The following MMP16 variants were observed in gnomAD, a reference collection of about 807,000 sequenced individuals.
MMP16 encodes the protein matrix metallopeptidase 16, also known as matrix metalloproteinase-16.
MMP16 carries 12 observed loss-of-function variants against 67.8 expected under a neutral mutation model. That is an observed-to-expected ratio of 0.18 (90% confidence interval 0.11 to 0.29). The LOEUF (loss-of-function observed/expected upper bound fraction) is 0.29, where lower values mean the gene tolerates loss of function less well. Among genes scored for constraint, MMP16 ranks in the 10% least tolerant of loss-of-function variants. The pLI, the probability that MMP16 is intolerant of heterozygous loss-of-function variation, is 1.00. For synonymous variants in MMP16, 249 were observed against 255.9 expected (o/e 0.97, Z 0.26); for missense variants, 475 against 765.7 (o/e 0.62, Z 4.48).
At chr8:88,097,392 G>C (rs1490512186) in intron 6 of MMP16, among the ~76,000 whole-genome samples, 3 of 151,736 alleles carry the variant, frequency 2.0e-5, no homozygotes, top group African/African-American at 7.3e-5. Context: ...TTGGGAGGCT[G>C]AGGTGATCAG....
intron 6 of MMP16, among the ~76,000 whole-genome samples, chr8:88,097,584 C>T (rs763246908): frequency 2.1e-5 from 3 of 141,968 alleles, no homozygotes; most frequent in Non-Finnish European, 4.5e-5. Context: ...CATGATCACA[C>T]CACTGCACTC....
intron 1 of MMP16, among the ~76,000 whole-genome samples, chr8:88,240,239 G>A: frequency 6.6e-6 from 1 of 152,190 alleles, no homozygotes; most frequent in East Asian, 1.9e-4. Context: ...GTGTGTCAAT[G>A]GGCTCGGCCA....
intron 1 of MMP16, among the ~76,000 whole-genome samples, chr8:88,314,236 T>C (rs1452728775): frequency 6.6e-6 from 1 of 152,204 alleles, no homozygotes; most frequent in Non-Finnish European, 1.5e-5. Context: ...TCTCTAAAGT[T>C]CAATTTCAAT....
In MMP16 at chr8:88,168,064, G is replaced by A. The variant is rs879220715; in HGVS notation, c.405-91C>T. The A allele has an allele frequency of 7.7e-6, 7 of 911,882 alleles. No homozygotes were observed. In the East Asian group the frequency reaches 1.8e-4, roughly 24 times the overall value. 56.5% of individuals were successfully genotyped at this position (911,882 alleles called of 1,614,324 possible). A position where few individuals can be genotyped will look rare whatever the true frequency, so the allele number is the denominator to read the frequency against. On this transcript the variant is annotated intron_variant, in intron 3 of 9. Coordinates refer to ENST00000286614, the MANE Select transcript of MMP16 (RefSeq NM_005941.5). ...CGATTCAGTTAAGTAAAATATTAGA[G>A]AAAATAGTCATATTAAATAGGAATA...
chr8:88,085,454 C>T (rs1808818494), intron 6 of MMP16, among the ~76,000 whole-genome samples: 1 of 151,976 alleles, frequency 6.6e-6, no homozygotes, highest in South Asian at 2.1e-4. Flanking sequence ...GCACGGTTTT[C>T]AGGGCTCATC....
intron 9 of MMP16, among the ~76,000 whole-genome samples, chr8:88,044,630 G>T (rs1808175901): frequency 6.6e-6 from 1 of 152,100 alleles, no homozygotes; most frequent in South Asian, 2.1e-4. Flanking sequence ...AATTAACGAG[G>T]CTGTGTTTTG....
chr8:88,234,436 T>C (rs976366925), intron 1 of MMP16, among the ~76,000 whole-genome samples: 19 of 152,224 alleles, frequency 1.2e-4, no homozygotes, highest in African/African-American at 4.3e-4. Flanking sequence ...TCTCATTCCA[T>C]AAAAAGATTT....
chr8:88,232,778 G>T (rs181966207), intron 1 of MMP16, among the ~76,000 whole-genome samples: 2 of 152,150 alleles, frequency 1.3e-5, no homozygotes, highest in African/African-American at 4.8e-5. Context: ...TTCAATGTAA[G>T]GTGACAATTT....
chr8:88,107,535 G>T (rs1226541532), intron 6 of MMP16, among the ~76,000 whole-genome samples: 4 of 150,928 alleles, frequency 2.7e-5, no homozygotes, highest in Admixed American at 6.6e-5. Context: ...CTCCTGAGTA[G>T]TGGAATCAGA....
At chr8:88,256,904 T>C (rs886472880) in intron 1 of MMP16, among the ~76,000 whole-genome samples, 1 of 152,198 alleles carries the variant, frequency 6.6e-6, no homozygotes, top group African/African-American at 2.4e-5. Context: ...ATTCTGAATA[T>C]AATGTTCAAG....
rs1811555777 is a variant in MMP16 at position 88,327,259 on chromosome 8, T to TCCCTCTCC, written c.-61_-54dup. On this transcript the variant is annotated 5_prime_UTR_variant, in exon 1 of 10. Transcript: ENST00000286614. ...AGCTCCCCTTCGTTTTCTCCCTCTC[T>TCCCTCTCC]CCCTCTCCCTCCCTCCCTCGTTTCC... 3.1e-6 allele frequency: 5 copies of TCCCTCTCC among 1,606,292 alleles called. No homozygotes were observed. The highest frequency in any genetic ancestry group is 4.3e-6 in the Non-Finnish European group (5 of 1,174,868).
At chr8:88,163,028 G>C (rs941131870) in intron 4 of MMP16, among the ~76,000 whole-genome samples, 1 of 152,018 alleles carries the variant, frequency 6.6e-6, no homozygotes, top group Admixed American at 6.6e-5. Context: ...AGGCCTCTAA[G>C]AAACATTATA....
At position 88,032,874 on chromosome 8, in the gene MMP16, G is replaced by A. The variant is rs1011754560; in HGVS notation, c.*8587C>T. 32 of 151,990 alleles carry A rather than the reference G, an allele frequency of 2.1e-4. No individual in the cohort carries two copies. Among genetic ancestry groups the A allele is most frequent in the African/African-American group, 7.7e-4 (32 of 41,406 alleles). The allele number at this position is 151,990 out of a possible 1,614,324, so 9.4% of individuals were successfully genotyped here. ...ATTATCAAGAACTTAATGAAATAGT[G>A]TTGAGTGTAATGAGAACAATGCAGA... On this transcript the variant is annotated 3_prime_UTR_variant, in exon 10 of 10. Transcript: ENST00000286614.
rs182830048 is a variant in MMP16 at position 88,293,528 on chromosome 8, T to C, written c.132+33547A>G. Among the ~76,000 whole-genome samples the C allele has an allele frequency of 3.9e-5, 6 of 152,204 alleles. 1 individual carries two copies. Among genetic ancestry groups the C allele is most frequent in the African/African-American group, 1.2e-4 (5 of 41,544 alleles). On this transcript the variant is annotated intron_variant, in intron 1 of 9. Coordinates refer to ENST00000286614, the MANE Select transcript of MMP16 (RefSeq NM_005941.5). ...GTGAGAATAAACATATTCTCAAAAA[T>C]TTAATCCATTGCTTTTAAAAGACAG...
intron 6 of MMP16, among the ~76,000 whole-genome samples, chr8:88,085,599 G>A (rs886595271): frequency 2.0e-5 from 3 of 151,984 alleles, no homozygotes; most frequent in Admixed American, 6.6e-5. Flanking sequence ...GAGGAAGGAA[G>A]TGAAATATTA....
At chr8:88,321,251 A>G (rs1363182619) in intron 1 of MMP16, among the ~76,000 whole-genome samples, 1 of 152,146 alleles carries the variant, frequency 6.6e-6, no homozygotes, top group Non-Finnish European at 1.5e-5. Context: ...CAGTATAAGC[A>G]CTTAATTTCA....
At chr8:88,234,682 C>T (rs1395086906) in intron 1 of MMP16, among the ~76,000 whole-genome samples, 1 of 152,198 alleles carries the variant, frequency 6.6e-6, no homozygotes, top group Non-Finnish European at 1.5e-5. Context: ...GCAATTAGAG[C>T]TGGGGCTCTT....
At chr8:88,305,438 G>C (rs1158478730) in intron 1 of MMP16, among the ~76,000 whole-genome samples, 3 of 152,122 alleles carry the variant, frequency 2.0e-5, no homozygotes, top group African/African-American at 7.2e-5. Flanking sequence ...GGATCAAGTG[G>C]ACCTCATAGA....
At chr8:88,158,304 C>G (rs968437748) in intron 4 of MMP16, among the ~76,000 whole-genome samples, 3 of 152,122 alleles carry the variant, frequency 2.0e-5, no homozygotes, top group Non-Finnish European at 4.4e-5. Flanking sequence ...TAAAAGTGTT[C>G]CTATTTCTCC....
Sources: allele counts gnomAD v4.1 joint callset (sites outside exome capture counted in the v4.1 genomes callset), GRCh38; gene constraint gnomAD v4.1.1; transcripts MANE v1.5; gene names NCBI Gene and HGNC (gene_info 2026-07-23, HGNC 2026-07-21).